The following MAVS variants were observed in gnomAD, a reference collection of about 807,000 sequenced individuals.
The protein encoded by MAVS is mitochondrial antiviral-signaling protein.
Under a neutral mutation model 30.2 loss-of-function variants are expected in MAVS, and 20 were observed. The ratio of observed to expected loss-of-function variants is 0.66; its 90% confidence interval spans 0.47 to 0.96. The LOEUF is 0.96. Among genes scored for constraint, MAVS ranks in the 40% least tolerant of loss-of-function variants. The probability of loss-of-function intolerance (pLI) is 0.00; values close to 1 mark genes in which losing one functional copy is unlikely to be tolerated. For missense variants in MAVS, 624 were observed against 701.1 expected, an observed-to-expected ratio of 0.89 and a Z score of 1.24; for synonymous variants, 278 against 293.9, an observed-to-expected ratio of 0.95 and a Z score of 0.55.
At position 3,866,057 on chromosome 20, in the gene MAVS, C is replaced by T; in HGVS notation, c.1533C>T (p.Pro511=). ...AGAGGGAGGTGCCATGCCACAGGCC[C>T]TCACCTGGGGCTCTGTGGCTCCAGG... ...FQEREVPCHR[P]SPGALWLQVA... is the part of the protein sequence containing the mutation. The change falls in exon 7 of 7, where the codon CCC becomes CCT. Residue 511 remains proline, a synonymous_variant. Transcript: ENST00000428216. The T allele has an allele frequency of 6.2e-7, 1 of 1,612,414 alleles. No individual in the cohort carries two copies. The highest frequency in any genetic ancestry group is 8.5e-7 in the Non-Finnish European group (1 of 1,179,976).
In MAVS at chr20:3,866,915, C is replaced by T; in HGVS notation, c.*768C>T. 2.2e-6 allele frequency: 1 copy of T among 457,088 alleles called. No individual in the cohort carries two copies. Among genetic ancestry groups the T allele is most frequent in the South Asian group, 1.5e-5 (1 of 64,576 alleles). 28.3% of individuals were successfully genotyped at this position (457,088 alleles called of 1,614,324 possible). ...AGAGCTCAGGCAGAGGTTTGGATTT[C>T]AGCTCCCTCACTTCCGGGGCTGTGT... On this transcript the variant is annotated 3_prime_UTR_variant, in exon 7 of 7. Coordinates refer to ENST00000428216, the MANE Select transcript of MAVS (RefSeq NM_020746.5).
In MAVS at chr20:3,870,768, A is replaced by G. The variant is rs778558412; in HGVS notation, c.*4621A>G. On this transcript the variant is annotated 3_prime_UTR_variant, in exon 7 of 7. Coordinates refer to ENST00000428216, the MANE Select transcript of MAVS (RefSeq NM_020746.5). ...TATTATGAACTTTCAAACACAAAAA[A>G]GTAGAGAGAGTAGAATAACAAATCC... 1.3e-5 allele frequency: 2 copies of G among 151,690 alleles called. No individual in the cohort carries two copies. The highest frequency in any genetic ancestry group is 1.3e-4 in the Admixed American group (2 of 15,174). 9.4% of individuals were successfully genotyped at this position (151,690 alleles called of 1,614,324 possible).
In MAVS at chr20:3,873,997, A is replaced by ACAACCCAAATGTCCATCCAC. The variant is rs986574116; in HGVS notation, c.*7871_*7890dup. 5.0e-6 allele frequency: 2 copies of ACAACCCAAATGTCCATCCAC among 397,526 alleles called. No homozygotes were observed. The highest frequency in any genetic ancestry group is 8.9e-6 in the Non-Finnish European group (2 of 225,926). 24.6% of individuals were successfully genotyped at this position (397,526 alleles called of 1,614,324 possible). A position where few individuals can be genotyped will look rare whatever the true frequency, so the allele number is the denominator to read the frequency against. On this transcript the variant is annotated 3_prime_UTR_variant, in exon 7 of 7. Transcript: ENST00000428216. ...CGCTGACTGTAGCCCCAAACCTGAAACAACCCAAATGTCCATCCACCAACC... is the reference window on the plus strand; with the variant it reads ...CGCTGACTGTAGCCCCAAACCTGAAACAACCCAAATGTCCATCCACCAACCCAAATGTCCATCCACCAACC...
rs2089946321 is a variant in MAVS at position 3,870,581 on chromosome 20, C to T, written c.*4434C>T. 7.8e-6 allele frequency: 1 copy of T among 128,736 alleles called. No individual in the cohort carries two copies. The highest frequency in any genetic ancestry group is 2.9e-5 in the African/African-American group (1 of 34,504). 8.0% of individuals were successfully genotyped at this position (128,736 alleles called of 1,614,324 possible). On this transcript the variant is annotated 3_prime_UTR_variant, in exon 7 of 7. Transcript: ENST00000428216. ...TTGGGAAGCCGAGGTGGGAGGATCC[C>T]TTGAAGCCAGGAGTTTGAGACAAGC...
chr20:3,866,711 C>G lies in MAVS; in HGVS notation c.*564C>G. ...GAGTTCCTGCCCCACTGGGCCCCCT[C>G]CCCTGCTGGGCAATCCTGGGAAGGT... On this transcript the variant is annotated 3_prime_UTR_variant, in exon 7 of 7. Coordinates refer to ENST00000428216, the MANE Select transcript of MAVS (RefSeq NM_020746.5). The G allele has an allele frequency of 2.8e-6, 1 of 361,348 alleles. No homozygotes were observed. The highest frequency in any genetic ancestry group is 2.1e-5 in the South Asian group (1 of 47,950). The allele number at this position is 361,348 out of a possible 1,614,324, so 22.4% of individuals were successfully genotyped here. A position where few individuals can be genotyped will look rare whatever the true frequency, so the allele number is the denominator to read the frequency against.
In MAVS at chr20:3,866,092, C is replaced by T. The variant is rs912514007; in HGVS notation, c.1568C>T (p.Thr523Ile). The T allele has an allele frequency of 1.2e-6, 2 of 1,609,944 alleles. No homozygotes were observed. Among genetic ancestry groups the T allele is most frequent in the East Asian group, 2.2e-5 (1 of 44,860 alleles). Residue 523 changes from threonine to isoleucine, a missense_variant, in exon 7 of 7, where the codon ACA becomes ATA. Coordinates refer to ENST00000428216, the MANE Select transcript of MAVS (RefSeq NM_020746.5). ...GCTCTGTGGCTCCAGGTGGCTGTGA[C>T]AGGGGTGCTGGTAGTCACACTCCTG... The part of the protein sequence containing the change: ...PGALWLQVAV[T>I]GVLVVTLLVV...
intron 5 of MAVS, among the ~76,000 whole-genome samples, chr20:3,863,983 A>C (rs1878089278): frequency 6.6e-6 from 1 of 152,118 alleles, no homozygotes; most frequent in Non-Finnish European, 1.5e-5. Context: ...AAAAGCGGAG[A>C]GAATAATTAA....
At position 3,864,757 on chromosome 20, in the gene MAVS, C is replaced by G; in HGVS notation, c.1127C>G (p.Thr376Arg). ...SMVLTKVSAS[T>R]VPTDGSSRNE... ...GTGCTCACCAAGGTGTCTGCCAGCA[C>G]AGTCCCCACTGACGGGAGCAGCAGA... The change falls in exon 6 of 7, where the codon ACA becomes AGA. Residue 376 changes from threonine to arginine, a missense_variant. Transcript: ENST00000428216. The G allele has an allele frequency of 1.2e-6, 2 of 1,614,154 alleles. No individual in the cohort carries two copies. The highest frequency in any genetic ancestry group is 1.7e-6 in the Non-Finnish European group (2 of 1,180,030).
At position 3,849,897 on chromosome 20, in the gene MAVS, G is replaced by T. The variant is rs1315559123; in HGVS notation, c.-68+2994G>T. Among the ~76,000 whole-genome samples, 3 of 152,200 alleles carry T rather than the reference G, an allele frequency of 2.0e-5. No individual in the cohort carries two copies. In the South Asian group the frequency reaches 6.2e-4, roughly 31 times the overall value. On this transcript the variant is annotated intron_variant, in intron 1 of 6. Coordinates refer to ENST00000428216, the MANE Select transcript of MAVS (RefSeq NM_020746.5). The stretch of plus-strand genomic sequence containing the variant: ...ACTCCCTGATGGGGGCGGCAGAAAA[G>T]TAACGAGCAAATACATCTATAACTG...
intron 3 of MAVS, among the ~76,000 whole-genome samples, chr20:3,858,740 G>A (rs930575379): frequency 6.7e-6 from 1 of 148,370 alleles, no homozygotes; most frequent in African/African-American, 2.5e-5. Flanking sequence ...GGTAACCCCC[G>A]AGACCCTGGT....
intron 3 of MAVS, among the ~76,000 whole-genome samples, 165 bp from the exon 4 acceptor site, chr20:3,861,167 G>A (rs531699958): frequency 5.9e-5 from 9 of 151,852 alleles, no homozygotes; most frequent in Non-Finnish European, 1.2e-4. Context: ...TAATAATAAT[G>A]TTGTATTTTT....
intron 3 of MAVS, among the ~76,000 whole-genome samples, chr20:3,860,699 C>T (rs566296959): frequency 2.5e-4 from 37 of 150,986 alleles, no homozygotes; most frequent in Admixed American, 1.6e-3. Context: ...TCCCCCGAGA[C>T]GGAGTCTTGC....
intron 2 of MAVS, 123 bp downstream of exon 2, chr20:3,854,864 G>A: frequency 1.8e-6 from 1 of 553,062 alleles, no homozygotes; most frequent in Non-Finnish European, 3.1e-6. Context: ...CTCTTGCTGT[G>A]TCTTGCTCCT....
chr20:3,861,423 C>G lies in MAVS; in HGVS notation c.384C>G (p.Ile128Met). The change falls in exon 4 of 7, where the codon ATC becomes ATG. Residue 128 changes from isoleucine to methionine, a missense_variant. Transcript: ENST00000428216. ...CCACACCTGCTGCGGCCCACAGCAT[C>G]CCCTACAACAGCTGCAGAGAGAAGG... is the stretch of plus-strand genomic sequence containing the variant. Reference protein sequence around the residue: ...GPPTPAAAHSIPYNSCREKEP... With the variant: ...GPPTPAAAHSMPYNSCREKEP... 1 of 1,614,102 alleles carries G rather than the reference C, an allele frequency of 6.2e-7. No homozygotes were observed. The highest frequency in any genetic ancestry group is 8.5e-7 in the Non-Finnish European group (1 of 1,180,000).
intron 1 of MAVS, among the ~76,000 whole-genome samples, chr20:3,853,838 G>T (rs186888345): frequency 2.2e-3 from 332 of 152,102 alleles, no homozygotes; most frequent in African/African-American, 6.9e-3. Flanking sequence ...GCCCAGGCTG[G>T]AGTGCAATGG....
rs139279287 is a variant in MAVS, at chr20:3,865,153, C to G, written c.1158+365C>G. 5.5e-3 allele frequency among the ~76,000 whole-genome samples: 837 copies of G among 152,350 alleles called. 2 individuals carry two copies. Among genetic ancestry groups the G allele is most frequent in the Non-Finnish European group, 8.8e-3 (596 of 68,028 alleles). ...GGACAGCACAGTGGCCCATCTGCCT[C>G]TTGCCTTGCTCTTCACCAGGATGCC... is the stretch of plus-strand genomic sequence containing the variant. On this transcript the variant is annotated intron_variant, in intron 6 of 6. Coordinates refer to ENST00000428216, the MANE Select transcript of MAVS (RefSeq NM_020746.5). The surrounding 1 kb of genome is among the most constrained non-coding windows in gnomAD (Gnocchi z 4.7).
chr20:3,850,314 C>A (rs1398581616), intron 1 of MAVS, among the ~76,000 whole-genome samples: 12 of 143,564 alleles, frequency 8.4e-5, no homozygotes, highest in Non-Finnish European at 6.0e-5. Flanking sequence ...TTTTTTTAAG[C>A]TGCTGGGCGC....
chr20:3,857,557 C>T lies in MAVS; in HGVS notation c.118-78C>T. On this transcript the variant is annotated intron_variant, in intron 2 of 6. Coordinates refer to ENST00000428216, the MANE Select transcript of MAVS (RefSeq NM_020746.5). ...TGTGGCTTTCTTGGCACCCCTCCCC[C>T]CGCTGTGGCTTCATTCTGGGTGGGG... The T allele has an allele frequency of 2.0e-6, 3 of 1,486,022 alleles. No homozygotes were observed. The South Asian group carries it at 3.9e-5, about 19-fold the overall frequency. The allele number at this position is 1,486,022 out of a possible 1,614,324, so 92.1% of individuals were successfully genotyped here. A position where few individuals can be genotyped will look rare whatever the true frequency, so the allele number is the denominator to read the frequency against.
chr20:3,873,941 C>T lies in MAVS; in HGVS notation c.*7794C>T. 5.1e-6 allele frequency: 2 copies of T among 395,600 alleles called. No individual in the cohort carries two copies. 24.5% of individuals were successfully genotyped at this position (395,600 alleles called of 1,614,324 possible). On this transcript the variant is annotated 3_prime_UTR_variant, in exon 7 of 7. Transcript: ENST00000428216. ...GTACACCACAGAAAGCTATGTCCACCGAGACATTGGCAAGAATGTTTCTAA... is the reference window on the plus strand; with the variant it reads ...GTACACCACAGAAAGCTATGTCCACTGAGACATTGGCAAGAATGTTTCTAA...
Sources: allele counts gnomAD v4.1 joint callset (sites outside exome capture counted in the v4.1 genomes callset), GRCh38; gene constraint gnomAD v4.1.1; non-coding constraint Gnocchi (gnomAD v3.1); transcripts MANE v1.5; gene names NCBI Gene and HGNC (gene_info 2026-07-23, HGNC 2026-07-21).